PRUNE1: variants seen among roughly 807,000 people sequenced by gnomAD.
The protein encoded by PRUNE1 is exopolyphosphatase PRUNE1.
PRUNE1 carries 25 observed loss-of-function variants against 42.5 expected under a neutral mutation model. The ratio of observed to expected loss-of-function variants is 0.59; its 90% CI spans 0.43 to 0.82. The LOEUF is 0.82. Ranked by LOEUF, PRUNE1 falls within the 40% of genes least tolerant of loss-of-function variation. PRUNE1 has a pLI of 0.00. For synonymous variants in PRUNE1, 203 were observed against 217.1 expected (o/e 0.93, Z 0.57); for missense variants, 443 against 539.3 (o/e 0.82, Z 1.77).
chr1:151,024,338 CA>C (rs1281910610), intron 3 of PRUNE1, among the ~76,000 whole-genome samples: 2 of 151,646 alleles, frequency 1.3e-5, no homozygotes, highest in African/African-American at 4.8e-5. Flanking sequence ...ACTAAAAATA[CA>C]AAAAAATTAG....
At position 151,024,658 on chromosome 1, in the gene PRUNE1, G is replaced by T. The variant is rs767769359; in HGVS notation, c.383G>T (p.Arg128Leu). The change falls in exon 4 of 8, where the codon CGA (arginine) becomes CTA (leucine). Residue 128 changes from arginine to leucine, a missense_variant. Arg to Leu is a moderately radical substitution (Grantham distance 102). Transcript: ENST00000271620. ...GCAGTAGCAGAGGTGCTAGACCATC[G>T]ACCCATCGAGCCGAAACACTGCCCT... ...EEAVAEVLDH[R>L]PIEPKHCPPC... 2 of 1,613,426 alleles carry T rather than the reference G, an allele frequency of 1.2e-6. No individual in the cohort carries two copies. The highest frequency in any genetic ancestry group is 1.7e-6 in the Non-Finnish European group (2 of 1,179,480).
intron 3 of PRUNE1, among the ~76,000 whole-genome samples, chr1:151,024,243 G>A (rs1209171982): frequency 1.3e-5 from 2 of 150,936 alleles, no homozygotes; most frequent in Non-Finnish European, 2.9e-5. Flanking sequence ...AGTAACCAAA[G>A]GTCAGTTTTA....
intron 6 of PRUNE1, among the ~76,000 whole-genome samples, chr1:151,028,239 T>A (rs587685622): frequency 5.3e-5 from 8 of 152,020 alleles, no homozygotes; most frequent in East Asian, 1.9e-4. Flanking sequence ...GTATGTATGT[T>A]TGTTTGTTTG....
Position 151,025,501 on chromosome 1 carries a change from T to C in PRUNE1, c.521-14T>C. 6.2e-7 allele frequency: 1 copy of C among 1,610,112 alleles called. No homozygotes were observed. Among genetic ancestry groups the C allele is most frequent in the Non-Finnish European group, 8.5e-7 (1 of 1,178,282 alleles). ...GTCACAGGATTCAAGTTCCACCATC[T>C]CCCTTCTCCACAGGAACCATCATCC... On this transcript the variant is annotated splice_polypyrimidine_tract_variant and intron_variant, in intron 4 of 7. Transcript: ENST00000271620.
At chr1:151,030,896 A>T (rs1428797645) in intron 7 of PRUNE1, among the ~76,000 whole-genome samples, 3 of 152,210 alleles carry the variant, frequency 2.0e-5, no homozygotes, top group Non-Finnish European at 4.4e-5. Context: ...TGGAAATGGC[A>T]TAATAGTACC....
At chr1:151,024,207 A>G (rs1674674672) in intron 3 of PRUNE1, among the ~76,000 whole-genome samples, 1 of 147,862 alleles carries the variant, frequency 6.8e-6, no homozygotes, top group Non-Finnish European at 1.5e-5. Flanking sequence ...AAAAAAAAGA[A>G]TTGAGAGGAG....
At chr1:151,024,338 C>CA (rs1281910610) in intron 3 of PRUNE1, among the ~76,000 whole-genome samples, 4 of 151,644 alleles carry the variant, frequency 2.6e-5, no homozygotes, top group Non-Finnish European at 5.9e-5. Flanking sequence ...ACTAAAAATA[C>CA]AAAAAAATTA....
intron 1 of PRUNE1, among the ~76,000 whole-genome samples, chr1:151,012,100 G>T (rs1010502636): frequency 1.3e-5 from 2 of 151,328 alleles, no homozygotes; most frequent in African/African-American, 4.9e-5. Flanking sequence ...TTAAAAAAAA[G>T]AAAAAAGAAA....
chr1:151,015,029 A>C (rs1674011778), intron 1 of PRUNE1, among the ~76,000 whole-genome samples: 1 of 152,008 alleles, frequency 6.6e-6, no homozygotes, highest in African/African-American at 2.4e-5. Context: ...CCATCTCTAC[A>C]AAAAATGCAA....
chr1:151,031,191 G>GT (rs375087001), intron 7 of PRUNE1, among the ~76,000 whole-genome samples: 12,527 of 124,504 alleles, frequency 0.1, 954 homozygotes, highest in African/African-American at 0.18. Context: ...GTGTGTGTGT[G>GT]TGTTTTTTTT....
chr1:151,028,728 A>G, intron 6 of PRUNE1, 58 bp from the exon 7 acceptor site: 1 of 1,568,554 alleles, frequency 6.4e-7, no homozygotes, highest in Non-Finnish European at 8.7e-7. Context: ...CGGCCCAAGG[A>G]TGTTTTATTG....
chr1:151,033,150 AT>A (rs945312948), intron 7 of PRUNE1, among the ~76,000 whole-genome samples: 47 of 149,320 alleles, frequency 3.1e-4, no homozygotes, highest in African/African-American at 1.1e-3. Flanking sequence ...CAGTGGCACC[AT>A]CTTGGCTCAC....
Position 151,008,533 on chromosome 1 carries a change from G to C in PRUNE1, c.-100G>C. 1 of 1,465,544 alleles carries C rather than the reference G, an allele frequency of 6.8e-7. No individual in the cohort carries two copies. The highest frequency in any genetic ancestry group is 1.1e-5 in the South Asian group (1 of 87,848). 90.8% of individuals were successfully genotyped at this position (1,465,544 alleles called of 1,614,324 possible). On this transcript the variant is annotated 5_prime_UTR_variant, in exon 1 of 8. Transcript: ENST00000271620. ...TCCCGCCTCCTGACTCTGGCCTCTA[G>C]TCCCTGAGTCCCGGGCGGGCTGCAT... is the stretch of plus-strand genomic sequence containing the variant.
intron 1 of PRUNE1, among the ~76,000 whole-genome samples, chr1:151,016,990 A>G (rs138471600): frequency 0.018 from 2,733 of 150,646 alleles, 60 homozygotes; most frequent in African/African-American, 0.051. Flanking sequence ...GAGAAACCCC[A>G]TCTCTACTAA....
At chr1:151,012,969 G>A (rs926473574) in intron 1 of PRUNE1, among the ~76,000 whole-genome samples, 2 of 151,902 alleles carry the variant, frequency 1.3e-5, no homozygotes, top group African/African-American at 4.8e-5. Context: ...CACCATGCTT[G>A]CCAGGCTGGT....
chr1:151,009,332 A>G (rs1447150879), intron 1 of PRUNE1, among the ~76,000 whole-genome samples: 1 of 152,250 alleles, frequency 6.6e-6, no homozygotes, highest in African/African-American at 2.4e-5. Context: ...ACGCACACAA[A>G]TGACATAAAA....
intron 7 of PRUNE1, among the ~76,000 whole-genome samples, chr1:151,029,737 C>A (rs970903950): frequency 6.6e-6 from 1 of 151,200 alleles, no homozygotes; most frequent in East Asian, 1.9e-4. Context: ...AAAAAAAAAA[C>A]AAAAACTCTA....
intron 7 of PRUNE1, among the ~76,000 whole-genome samples, 194 bp from the exon 8 acceptor site, chr1:151,033,612 A>G (rs1050422578): frequency 6.7e-5 from 10 of 150,268 alleles, no homozygotes; most frequent in African/African-American, 2.0e-4. Context: ...GGATGGTCTC[A>G]ATCTCCTGAC....
Position 151,034,609 on chromosome 1 carries a change from C to A in PRUNE1, c.*375C>A. The A allele has an allele frequency of 5.0e-6, 1 of 198,130 alleles. No homozygotes were observed. The highest frequency in any genetic ancestry group is 5.2e-5 in the Admixed American group (1 of 19,258). The allele number at this position is 198,130 out of a possible 1,614,324, so 12.3% of individuals were successfully genotyped here. ...AGTATCTGTCATGGAACTGAACATTCATCGATGGTCTCCATGTATTCATTT... is the reference window on the plus strand; with the variant it reads ...AGTATCTGTCATGGAACTGAACATTAATCGATGGTCTCCATGTATTCATTT... On this transcript the variant is annotated 3_prime_UTR_variant, in exon 8 of 8. Coordinates refer to ENST00000271620, the MANE Select transcript of PRUNE1 (RefSeq NM_021222.3).
Sources: allele counts gnomAD v4.1 joint callset (sites outside exome capture counted in the v4.1 genomes callset), GRCh38; gene constraint gnomAD v4.1.1; transcripts MANE v1.5; gene names NCBI Gene and HGNC (gene_info 2026-07-23, HGNC 2026-07-21).